ADAMTS3: variants seen among roughly 807,000 people sequenced by gnomAD.
The protein encoded by ADAMTS3 is A disintegrin and metalloproteinase with thrombospondin motifs 3.
Under a neutral mutation model 129.0 loss-of-function variants are expected in ADAMTS3, and 73 were observed. The ratio of observed to expected loss-of-function variants is 0.57; its 90% CI spans 0.47 to 0.69. The LOEUF (loss-of-function observed/expected upper bound fraction) is 0.69, where lower values mean the gene tolerates loss of function less well. ADAMTS3 is among the 30% of genes least tolerant of loss of function. The probability of loss-of-function intolerance (pLI) is 0.00; values close to 1 mark genes in which losing one functional copy is unlikely to be tolerated. For synonymous variants in ADAMTS3, 477 were observed against 510.8 expected (o/e 0.93, Z 0.89); for missense variants, 1,457 against 1,514.5 (o/e 0.96, Z 0.63).
chr4:72,388,818 A>G (rs1419827394), intron 4 of ADAMTS3, among the ~76,000 whole-genome samples: 2 of 152,208 alleles, frequency 1.3e-5, no homozygotes. Flanking sequence ...AAAAACCTGC[A>G]AAGGGAAAAG....
At chr4:72,518,977 A>C (rs376232083) in intron 3 of ADAMTS3, among the ~76,000 whole-genome samples, 2 of 151,604 alleles carry the variant, frequency 1.3e-5, no homozygotes, top group Non-Finnish European at 2.9e-5. Context: ...GGCTGGTACC[A>C]GTTGTTCCTT....
intron 4 of ADAMTS3, among the ~76,000 whole-genome samples, chr4:72,386,945 G>T (rs114904670): frequency 2.0e-5 from 3 of 152,276 alleles, no homozygotes; most frequent in Non-Finnish European, 4.4e-5. Context: ...CATAAAAACA[G>T]AATAATTGAA....
At chr4:72,293,059 T>C (rs938888712) in intron 19 of ADAMTS3, among the ~76,000 whole-genome samples, 2 of 152,148 alleles carry the variant, frequency 1.3e-5, no homozygotes, top group African/African-American at 2.4e-5. Context: ...TGAGAGGAAG[T>C]CACAGCAACA....
intron 3 of ADAMTS3, among the ~76,000 whole-genome samples, chr4:72,534,322 G>A (rs1164276791): frequency 2.0e-5 from 3 of 150,596 alleles, no homozygotes; most frequent in East Asian, 3.9e-4. Context: ...GCGAGACTCC[G>A]TCTCAAAAAA....
chr4:72,291,198 T>G (rs1718653869), intron 19 of ADAMTS3, 136 bp from the exon 20 acceptor site: 1 of 777,944 alleles, frequency 1.3e-6, no homozygotes, highest in Admixed American at 2.8e-5. Context: ...AGGAAGTGGT[T>G]TCAGAAAGAT....
At chr4:72,521,287 C>A (rs181313141) in intron 3 of ADAMTS3, among the ~76,000 whole-genome samples, 2 of 152,204 alleles carry the variant, frequency 1.3e-5, no homozygotes, top group East Asian at 1.9e-4. Flanking sequence ...CATGAGCCAC[C>A]GTGCTAGGTC....
chr4:72,458,380 T>A (rs1368593993), intron 3 of ADAMTS3, among the ~76,000 whole-genome samples: 1 of 151,402 alleles, frequency 6.6e-6, no homozygotes, highest in African/African-American at 2.4e-5. Flanking sequence ...GTCCATGTCA[T>A]CATTGCTTAA....
chr4:72,385,315 G>T (rs1460481436), intron 4 of ADAMTS3, among the ~76,000 whole-genome samples: 4 of 151,820 alleles, frequency 2.6e-5, no homozygotes, highest in Non-Finnish European at 5.9e-5. Flanking sequence ...TAGTACCTCA[G>T]TGGCCATTAA....
Position 72,339,488 on chromosome 4 carries a change from A to G in ADAMTS3, c.861+6T>C. The G allele has an allele frequency of 1.2e-6, 2 of 1,613,334 alleles. No individual in the cohort carries two copies. The highest frequency in any genetic ancestry group is 1.7e-6 in the Non-Finnish European group (2 of 1,179,466). On this transcript the variant is annotated splice_donor_region_variant and intron_variant, in intron 5 of 21. Transcript: ENST00000286657. ...CAAAAAGCTTTAAAAAGGAGTCACTACTCACAATGTTCATTAGGGTCAGGA... is the reference window on the plus strand; with the variant it reads ...CAAAAAGCTTTAAAAAGGAGTCACTGCTCACAATGTTCATTAGGGTCAGGA...
At chr4:72,329,612 G>C (rs1016862579) in intron 5 of ADAMTS3, among the ~76,000 whole-genome samples, 1 of 152,178 alleles carries the variant, frequency 6.6e-6, no homozygotes, top group East Asian at 1.9e-4. Flanking sequence ...TGTTGTTGCT[G>C]TTGTTGCTGT....
chr4:72,285,525 C>G (rs1417485748), intron 21 of ADAMTS3, among the ~76,000 whole-genome samples: 1 of 152,036 alleles, frequency 6.6e-6, no homozygotes, highest in African/African-American at 2.4e-5. Flanking sequence ...TGTTAGGAGG[C>G]CCCTCTTAGA....
At chr4:72,343,626 T>A (rs762087084) in intron 4 of ADAMTS3, among the ~76,000 whole-genome samples, 3 of 152,122 alleles carry the variant, frequency 2.0e-5, no homozygotes, top group Admixed American at 6.6e-5. Flanking sequence ...CCACTTGCCA[T>A]GTGGCTTCAA....
chr4:72,464,146 G>A (rs529384820), intron 3 of ADAMTS3, among the ~76,000 whole-genome samples: 15 of 151,982 alleles, frequency 9.9e-5, no homozygotes, highest in South Asian at 2.1e-4. Flanking sequence ...CAAAACCTGC[G>A]TCACAGCTAC....
At chr4:72,434,823 G>A (rs1441935413) in intron 3 of ADAMTS3, among the ~76,000 whole-genome samples, 4 of 151,808 alleles carry the variant, frequency 2.6e-5, no homozygotes, top group Non-Finnish European at 5.9e-5. Context: ...AGAATCTTCC[G>A]CTGGCCTTGA....
chr4:72,320,806 G>C lies in ADAMTS3; in HGVS notation c.1010C>G (p.Ser337Cys). The change falls in exon 7 of 22, where the codon TCC (serine) becomes TGC (cysteine). Residue 337 changes from serine (S) to cysteine (C), a missense_variant. Physicochemically the swap from Ser to Cys is moderately radical, Grantham distance 112. Coordinates refer to ENST00000286657, the MANE Select transcript of ADAMTS3 (RefSeq NM_014243.3). ...GTTGAGATCAGATCTTTGCTGTTGG[G>C]ACGCCCAGCGACACACATTCTCCAA... ...RSLENVCRWA[S>C]QQQRSDLNHS... The C allele has an allele frequency of 6.2e-7, 1 of 1,613,980 alleles. No homozygotes were observed. The highest frequency in any genetic ancestry group is 8.5e-7 in the Non-Finnish European group (1 of 1,179,906).
chr4:72,515,646 G>A (rs1387688665), intron 3 of ADAMTS3, among the ~76,000 whole-genome samples: 1 of 151,724 alleles, frequency 6.6e-6, no homozygotes, highest in Admixed American at 6.6e-5. Flanking sequence ...TTTGAGAAGT[G>A]TCTGTTCATG....
intron 5 of ADAMTS3, among the ~76,000 whole-genome samples, chr4:72,332,770 T>G (rs1304214586): frequency 6.6e-6 from 1 of 152,170 alleles, no homozygotes. Context: ...ATCTGCCTCA[T>G]CAGCCTGTTA....
chr4:72,402,958 ACC>A (rs1721961909), intron 4 of ADAMTS3, among the ~76,000 whole-genome samples: 1 of 152,096 alleles, frequency 6.6e-6, no homozygotes, highest in Non-Finnish European at 1.5e-5. Flanking sequence ...TAGTCCCTAT[ACC>A]TGGAAATACC....
At chr4:72,550,002 AAG>A (rs1473132981) in intron 2 of ADAMTS3, among the ~76,000 whole-genome samples, 1 of 4,484 alleles carries the variant, frequency 2.2e-4, no homozygotes, top group Non-Finnish European at 3.8e-4. Context: ...GAGGAAGAGG[AAG>A]AAGAAGAAGA....
Sources: gnomAD v4.1 joint callset for allele counts (sites outside exome capture counted in the v4.1 genomes callset) on GRCh38, gnomAD v4.1.1 for gene constraint, MANE v1.5 for transcripts, NCBI Gene and HGNC (gene_info 2026-07-23, HGNC 2026-07-21) for gene names.